Variants in JAK1 observed in about 807,000 individuals in gnomAD.
JAK1 encodes the protein Janus kinase 1.
Under a neutral mutation model 136.6 loss-of-function variants are expected in JAK1, and 16 were observed. The ratio of observed to expected loss-of-function variants is 0.12; its 90% confidence interval spans 0.08 to 0.18. The LOEUF (loss-of-function observed/expected upper bound fraction) is 0.18, where lower values mean the gene tolerates loss of function less well. JAK1 is among the 10% of genes least tolerant of loss of function. JAK1 has a pLI of 1.00. For missense variants in JAK1, 859 were observed against 1,450.1 expected (o/e 0.59, Z 6.62); for synonymous variants, 492 against 519.5 (o/e 0.95, Z 0.72).
At chr1:64,945,316 T>C (rs1464450935) in intron 1 of JAK1, among the ~76,000 whole-genome samples, 1 of 152,154 alleles carries the variant, frequency 6.6e-6, no homozygotes. Flanking sequence ...ATAAAAATTA[T>C]TAATGCAATT....
intron 1 of JAK1, among the ~76,000 whole-genome samples, chr1:64,943,382 C>T (rs991912580): frequency 9.9e-5 from 15 of 152,136 alleles, no homozygotes; most frequent in African/African-American, 3.4e-4. Flanking sequence ...AGGGATAGGA[C>T]CTTGTGACTC....
At chr1:64,979,906 T>C (rs971300185) in intron 2 of JAK1, 5 of 152,256 alleles carry the variant, frequency 3.3e-5, no homozygotes, top group African/African-American at 1.2e-4. Context: ...CCTATTTAAT[T>C]GGCATTTATA....
At chr1:64,933,588 C>G (rs995006234) in intron 1 of JAK1, among the ~76,000 whole-genome samples, 1 of 152,222 alleles carries the variant, frequency 6.6e-6, no homozygotes, top group African/African-American at 2.4e-5. Flanking sequence ...TGGGCTGACG[C>G]CTGCTCTTCA....
chr1:65,057,591 A>G (rs1223933299), intron 1 of JAK1, among the ~76,000 whole-genome samples: 1 of 152,090 alleles, frequency 6.6e-6, no homozygotes, highest in Admixed American at 6.5e-5. Context: ...CGGGAGGTTG[A>G]GGTGGGAGGA....
intron 2 of JAK1, among the ~76,000 whole-genome samples, chr1:64,998,773 C>A (rs749322204): frequency 6.6e-6 from 1 of 152,182 alleles, no homozygotes; most frequent in Non-Finnish European, 1.5e-5. Context: ...TTGCCTGCTG[C>A]CGTCCATGTA....
intron 10 of JAK1, among the ~76,000 whole-genome samples, chr1:64,856,275 T>C (rs1291773529): frequency 1.3e-5 from 2 of 152,172 alleles, no homozygotes; most frequent in African/African-American, 4.8e-5. Flanking sequence ...ATGGGCTCTT[T>C]TTGTACAAAC....
intron 1 of JAK1, among the ~76,000 whole-genome samples, chr1:65,056,282 A>G (rs146168018): frequency 1.6e-4 from 25 of 152,352 alleles, no homozygotes; most frequent in African/African-American, 6.0e-4. Flanking sequence ...AGGACATGTG[A>G]AGGTACTGGG....
chr1:64,869,791 G>C (rs1292356974), intron 5 of JAK1, among the ~76,000 whole-genome samples: 1 of 152,228 alleles, frequency 6.6e-6, no homozygotes, highest in East Asian at 1.9e-4. Context: ...GACTGCGCCA[G>C]AGCAAGGGAA....
chr1:65,019,018 T>A (rs528965), intron 2 of JAK1, among the ~76,000 whole-genome samples: 1 of 151,584 alleles, frequency 6.6e-6, no homozygotes, highest in Non-Finnish European at 1.5e-5. Context: ...CTCAAAAAAA[T>A]AAAAATAAAA....
At chr1:64,885,104 C>T (rs1034104898) in intron 2 of JAK1, among the ~76,000 whole-genome samples, 2 of 152,158 alleles carry the variant, frequency 1.3e-5, no homozygotes, top group Non-Finnish European at 2.9e-5. Context: ...ATGCTACAAA[C>T]TGAGAGGTAT....
intron 17 of JAK1, among the ~76,000 whole-genome samples, chr1:64,843,242 G>A (rs756079204): frequency 2.6e-5 from 4 of 152,060 alleles, no homozygotes; most frequent in African/African-American, 4.8e-5. Flanking sequence ...CCAGGCTCCC[G>A]ACACAGCACT....
chr1:65,030,364 C>T (rs376527930), intron 2 of JAK1, among the ~76,000 whole-genome samples: 8 of 152,248 alleles, frequency 5.3e-5, no homozygotes, highest in East Asian at 1.9e-4. Context: ...AACTCATAGA[C>T]GTGTTGTATC....
intron 1 of JAK1, among the ~76,000 whole-genome samples, chr1:64,891,247 G>A (rs543613377): frequency 1.3e-5 from 2 of 152,116 alleles, no homozygotes; most frequent in African/African-American, 4.8e-5. Flanking sequence ...GCTAATCAGC[G>A]AGAGTGCCAG....
In JAK1 at chr1:64,918,884, C is replaced by T. The variant is rs376100150; in HGVS notation, c.-77-32543G>A. 2.6e-4 allele frequency among the ~76,000 whole-genome samples: 39 copies of T among 152,160 alleles called. 5 individuals carry two copies. The highest frequency in any genetic ancestry group is 4.6e-4 in the Admixed American group (7 of 15,270). On this transcript the variant is annotated intron_variant, in intron 1 of 24. Coordinates refer to ENST00000342505, the MANE Select transcript of JAK1 (RefSeq NM_002227.4). ...TATCCTCTCCAGTAATCAAATACTA[C>T]GCTTCTTTAAAGACCATCTTGAATG...
In JAK1 at chr1:64,920,680, T is replaced by C. The variant is rs184573295; in HGVS notation, c.-77-34339A>G. ...GTGTGGACTGAATGAGTTCTAACCC[T>C]GCCTCTGCCAGAACCTAACCTTGGG... On this transcript the variant is annotated intron_variant, in intron 1 of 24. Transcript: ENST00000342505. Among the ~76,000 whole-genome samples, 517 of 152,324 alleles carry C rather than the reference T, an allele frequency of 3.4e-3. 5 individuals are homozygous for C. Among genetic ancestry groups the C allele is most frequent in the African/African-American group, 0.012 (494 of 41,584 alleles).
In JAK1 at chr1:64,833,758, T is replaced by C. The variant is rs941500441; in HGVS notation, c.*804A>G. On this transcript the variant is annotated 3_prime_UTR_variant, in exon 25 of 25. Coordinates refer to ENST00000342505, the MANE Select transcript of JAK1 (RefSeq NM_002227.4). ...CCAAAGTGGTAGAGTTATAAAAGGA[T>C]ATACATTGACGTTTCTTAAAAGCAT... is the stretch of plus-strand genomic sequence containing the variant. 1 of 232,976 alleles carries C rather than the reference T, an allele frequency of 4.3e-6. No homozygotes were observed. Among genetic ancestry groups the C allele is most frequent in the Non-Finnish European group, 8.5e-6 (1 of 117,920 alleles). The allele number at this position is 232,976 out of a possible 1,614,324, so 14.4% of individuals were successfully genotyped here.
chr1:64,868,010 AAGAGAG>A (rs139348914), intron 6 of JAK1, among the ~76,000 whole-genome samples: 16 of 146,848 alleles, frequency 1.1e-4, no homozygotes, highest in Admixed American at 6.5e-4. Context: ...CCCCACAAAA[AAGAGAG>A]AGAGAGAGAG....
chr1:64,965,375 T>C (rs1646353658), intron 1 of JAK1, among the ~76,000 whole-genome samples: 2 of 152,136 alleles, frequency 1.3e-5, no homozygotes. Context: ...CGGGGTCCCC[T>C]TCCCCAGGAA....
Position 64,844,735 on chromosome 1 carries a change from GA to G in JAK1, c.2251+18del. On this transcript the variant is annotated intron_variant, in intron 16 of 24. Coordinates refer to ENST00000342505, the MANE Select transcript of JAK1 (RefSeq NM_002227.4). This position sits in a 1 kb window ranked among gnomAD's most constrained non-coding sequence, Gnocchi z 5.7. ...CCCTGACTCGGGGTGGGGCCAGAGG[GA>G]AGAGAGGGGAGACACACCTTGCCTA... The G allele has an allele frequency of 6.2e-7, 1 of 1,613,914 alleles. No individual in the cohort carries two copies. Among genetic ancestry groups the G allele is most frequent in the Non-Finnish European group, 8.5e-7 (1 of 1,180,004 alleles).
Sources: gnomAD v4.1 joint callset for allele counts (sites outside exome capture counted in the v4.1 genomes callset) on GRCh38, gnomAD v4.1.1 for gene constraint, Gnocchi (gnomAD v3.1) non-coding constraint, MANE v1.5 for transcripts, NCBI Gene and HGNC (gene_info 2026-07-23, HGNC 2026-07-21) for gene names.